Variants in RHPN2 observed in about 807,000 individuals in gnomAD.
RHPN2 encodes the protein rhophilin Rho GTPase binding protein 2.
RHPN2 carries 40 observed loss-of-function variants against 79.0 expected under a neutral mutation model. The observed-to-expected ratio is 0.51, with a 90% CI of 0.39 to 0.66. The LOEUF (loss-of-function observed/expected upper bound fraction) is 0.66, where lower values mean the gene tolerates loss of function less well. Among genes scored for constraint, RHPN2 ranks in the 30% least tolerant of loss-of-function variants. The pLI, the probability that RHPN2 is intolerant of heterozygous loss-of-function variation, is 0.00. For missense variants in RHPN2, 686 were observed against 883.5 expected, an observed-to-expected ratio of 0.78 and a Z score of 2.83; for synonymous variants, 285 against 363.5, an observed-to-expected ratio of 0.78 and a Z score of 2.46.
In RHPN2 at chr19:33,026,595, G is replaced by A. The variant is rs1244325285; in HGVS notation, c.223C>T (p.Leu75=). Residue 75 remains leucine, a synonymous_variant, in exon 3 of 15, where the codon CTG becomes TTG. Coordinates refer to ENST00000254260, the MANE Select transcript of RHPN2 (RefSeq NM_033103.5). Reference sequence around the variant, plus strand: ...TCTGAGTTGACGAAGCTCAGCTCCAGCCGCACTTGCTCCCGCACCTTTGAG... The same window carrying A: ...TCTGAGTTGACGAAGCTCAGCTCCAACCGCACTTGCTCCCGCACCTTTGAG... ...TNSKVREQVR[L]ELSFVNSDLQ... 1.2e-6 allele frequency: 2 copies of A among 1,609,054 alleles called. No homozygotes were observed. The highest frequency in any genetic ancestry group is 1.7e-6 in the Non-Finnish European group (2 of 1,179,690).
intron 1 of RHPN2, among the ~76,000 whole-genome samples, chr19:33,063,618 G>C (rs948510713): frequency 1.3e-5 from 2 of 152,202 alleles, no homozygotes; most frequent in African/African-American, 4.8e-5. Context: ...AGGGAGGAAG[G>C]CTTGGAAGGC....
intron 4 of RHPN2, among the ~76,000 whole-genome samples, chr19:33,013,127 C>T (rs540116132): frequency 4.6e-5 from 7 of 151,840 alleles, no homozygotes; most frequent in Admixed American, 1.3e-4. Flanking sequence ...CCCCCCACCT[C>T]GCCCTCCCAA....
chr19:33,003,357 C>CAAAAAAAAAA (rs56166279), intron 7 of RHPN2, among the ~76,000 whole-genome samples: 2 of 66,616 alleles, frequency 3.0e-5, no homozygotes, highest in Non-Finnish European at 5.2e-5. Flanking sequence ...GACTCTGTCT[C>CAAAAAAAAAA]AAAAAAAAAA....
chr19:32,995,256 T>G (rs1166552948), intron 11 of RHPN2, among the ~76,000 whole-genome samples: 1 of 151,902 alleles, frequency 6.6e-6, no homozygotes, highest in Non-Finnish European at 1.5e-5. Flanking sequence ...TTTTAATTTT[T>G]TGTAGAGATG....
At chr19:33,036,870 G>GCCCCCCCCCCCCCCCCCCCCCC (rs199550754) in intron 2 of RHPN2, among the ~76,000 whole-genome samples, 1 of 141,334 alleles carries the variant, frequency 7.1e-6, no homozygotes, top group African/African-American at 2.8e-5. Context: ...CCATGCCTGA[G>GCCCCCCCCCCCCCCCCCCCCCC]CCCCCCCGCC....
intron 1 of RHPN2, among the ~76,000 whole-genome samples, chr19:33,061,367 G>A (rs935247468): frequency 6.6e-6 from 1 of 151,636 alleles, no homozygotes; most frequent in African/African-American, 2.4e-5. Context: ...CACCACGCCC[G>A]GCTAATTTTT....
In RHPN2 at chr19:33,056,549, C is replaced by T. The variant is rs1599837487; in HGVS notation, c.69+8235G>A. 2.6e-5 allele frequency among the ~76,000 whole-genome samples: 4 copies of T among 152,228 alleles called. No homozygotes were observed. In the South Asian group the frequency reaches 8.3e-4, roughly 32 times the overall value. On this transcript the variant is annotated intron_variant, in intron 1 of 14. Transcript: ENST00000254260. ...AATTACATTACTCTGCATTTAACTA[C>T]AGGCCAGAGAACAATAATTCTTCCA...
intron 1 of RHPN2, among the ~76,000 whole-genome samples, chr19:33,062,476 A>T (rs1301272180): frequency 6.6e-6 from 1 of 150,644 alleles, no homozygotes; most frequent in Non-Finnish European, 1.5e-5. Flanking sequence ...GGAAAAAAAA[A>T]AAAACACCTG....
At chr19:33,063,942 G>T (rs1157417791) in intron 1 of RHPN2, among the ~76,000 whole-genome samples, 1 of 152,012 alleles carries the variant, frequency 6.6e-6, no homozygotes, top group African/African-American at 2.4e-5. Flanking sequence ...CCTCCTGGAC[G>T]ACCCGGAGCG....
chr19:33,026,414 G>A, intron 3 of RHPN2, 90 bp downstream of exon 3: 1 of 1,543,432 alleles, frequency 6.5e-7, no homozygotes, highest in Non-Finnish European at 8.8e-7. Context: ...CCCCAGTCTA[G>A]AACGCTATCT....
chr19:33,008,231 G>A, intron 6 of RHPN2, 51 bp from the exon 7 acceptor site: 2 of 1,532,454 alleles, frequency 1.3e-6, no homozygotes, highest in Non-Finnish European at 1.8e-6. Flanking sequence ...GCTAGTTAAT[G>A]CTACAAGTGG....
At chr19:33,024,647 C>T (rs935572290) in intron 3 of RHPN2, among the ~76,000 whole-genome samples, 5 of 150,440 alleles carry the variant, frequency 3.3e-5, no homozygotes, top group East Asian at 1.9e-4. Flanking sequence ...AGCTATTTTC[C>T]GACTGAGTTT....
chr19:33,040,862 A>C (rs1262668124), intron 2 of RHPN2, among the ~76,000 whole-genome samples: 3 of 152,076 alleles, frequency 2.0e-5, no homozygotes, highest in African/African-American at 7.2e-5. Context: ...GCTGAGGCAC[A>C]AGAATCACTT....
intron 2 of RHPN2, among the ~76,000 whole-genome samples, chr19:33,032,772 AT>A (rs1296742392): frequency 2.0e-5 from 3 of 152,134 alleles, no homozygotes; most frequent in African/African-American, 7.2e-5. Flanking sequence ...AGTATCAGGA[AT>A]GGGTTCATTT....
At chr19:33,046,633 C>T (rs1226060065) in intron 1 of RHPN2, among the ~76,000 whole-genome samples, 1 of 152,160 alleles carries the variant, frequency 6.6e-6, no homozygotes, top group Non-Finnish European at 1.5e-5. Context: ...AGTGGTTATA[C>T]AATTTTACAA....
rs775801412 is a variant in RHPN2 at position 32,990,500 on chromosome 19, G to C, written c.1800+14C>G. On this transcript the variant is annotated intron_variant, in intron 14 of 14. Coordinates refer to ENST00000254260, the MANE Select transcript of RHPN2 (RefSeq NM_033103.5). Reference sequence around the variant, plus strand: ...ACGCCACCACTGACTGCCCAGGGAGGTGTCAGCGCTCACCATGGATGATGT... The same window carrying C: ...ACGCCACCACTGACTGCCCAGGGAGCTGTCAGCGCTCACCATGGATGATGT... 9 of 1,613,484 alleles carry C rather than the reference G, an allele frequency of 5.6e-6. 2 individuals carry two copies. In the South Asian group the frequency reaches 9.9e-5, roughly 18 times the overall value.
At chr19:32,998,809 G>T (rs1599811428) in intron 10 of RHPN2, among the ~76,000 whole-genome samples, 1 of 125,862 alleles carries the variant, frequency 7.9e-6, no homozygotes, top group East Asian at 2.5e-4. Flanking sequence ...GGGAGGGGAG[G>T]AGGGGAGAGG....
At chr19:33,061,715 C>T (rs1194159988) in intron 1 of RHPN2, among the ~76,000 whole-genome samples, 4 of 152,108 alleles carry the variant, frequency 2.6e-5, no homozygotes, top group Admixed American at 2.6e-4. Context: ...AACTCCTGAT[C>T]TCAAGTGATC....
intron 2 of RHPN2, among the ~76,000 whole-genome samples, chr19:33,038,907 T>C (rs1972079117): frequency 6.6e-6 from 1 of 151,940 alleles, no homozygotes; most frequent in Non-Finnish European, 1.5e-5. Flanking sequence ...ATTTGCCCGC[T>C]TCAGCCTCCC....
Sources: allele counts gnomAD v4.1 joint callset (sites outside exome capture counted in the v4.1 genomes callset), GRCh38; gene constraint gnomAD v4.1.1; transcripts MANE v1.5; gene names NCBI Gene and HGNC (gene_info 2026-07-23, HGNC 2026-07-21).